Variants in RNPEPL1 observed in about 807,000 individuals in gnomAD.
The protein encoded by RNPEPL1 is aminopeptidase RNPEPL1.
RNPEPL1 carries 46 observed loss-of-function variants against 69.0 expected under a neutral mutation model. The ratio of observed to expected loss-of-function variants is 0.67; its 90% CI spans 0.53 to 0.85. RNPEPL1 has a LOEUF of 0.85. Ranked by LOEUF, RNPEPL1 falls within the 40% of genes least tolerant of loss-of-function variation. The pLI is 0.00. For synonymous variants in RNPEPL1, 525 were observed against 454.1 expected (o/e 1.16, Z -1.98); for missense variants, 869 against 992.5 (o/e 0.88, Z 1.67).
In RNPEPL1 at chr2:240,574,643, G is replaced by C; in HGVS notation, c.1288+15G>C. 4 of 1,596,944 alleles carry C rather than the reference G, an allele frequency of 2.5e-6. No individual in the cohort carries two copies. In the Admixed American group the frequency reaches 6.7e-5, roughly 27 times the overall value. On this transcript the variant is annotated intron_variant, in intron 6 of 10. Coordinates refer to ENST00000270357, the MANE Select transcript of RNPEPL1 (RefSeq NM_018226.6). ...GCTGGAGCCAGGTACCTGCTCCTCAGGACCCGCTCCCACAACTGGGGATGT... is the reference window on the plus strand; with the variant it reads ...GCTGGAGCCAGGTACCTGCTCCTCACGACCCGCTCCCACAACTGGGGATGT...
chr2:240,569,914 T>G lies in RNPEPL1; in HGVS notation c.528+800T>G, dbSNP rs574641143. 3.3e-5 allele frequency among the ~76,000 whole-genome samples: 5 copies of G among 152,268 alleles called. No individual in the cohort carries two copies. The South Asian group carries it at 1.0e-3, about 32-fold the overall frequency. On this transcript the variant is annotated intron_variant, in intron 1 of 10. Coordinates refer to ENST00000270357, the MANE Select transcript of RNPEPL1 (RefSeq NM_018226.6). ...GGTGGTGGAGAGGTGGTCGAGAGGC[T>G]TCAGGCCACAAAGAGCCAAGGTGAC...
chr2:240,576,550 G>A lies in RNPEPL1; in HGVS notation c.1526G>A (p.Arg509His), dbSNP rs1176313161. Residue 509 changes from arginine to histidine, a missense_variant, in exon 9 of 11, where the codon CGC becomes CAC. Arg to His is a conservative substitution (Grantham distance 29, BLOSUM62 0). Transcript: ENST00000270357. ...TCCCCTCTAGGGCTGGAATTCGAGC[G>A]CTGGCTCAATGCCACAGGCCCGCCG... ...VDCRAGLEFE[R>H]WLNATGPPLA... 4.3e-6 allele frequency: 7 copies of A among 1,611,936 alleles called. No homozygotes were observed. The highest frequency in any genetic ancestry group is 1.1e-5 in the South Asian group (1 of 90,984).
At chr2:240,571,001 C>A (rs900150459) in intron 1 of RNPEPL1, among the ~76,000 whole-genome samples, 1 of 152,110 alleles carries the variant, frequency 6.6e-6, no homozygotes, top group Non-Finnish European at 1.5e-5. Context: ...GGCAAGGCCA[C>A]AGGAGAGGAG....
At position 240,573,883 on chromosome 2, in the gene RNPEPL1, G is replaced by C; in HGVS notation, c.930G>C (p.Met310Ile). 1 of 1,577,932 alleles carries C rather than the reference G, an allele frequency of 6.3e-7. No homozygotes were observed. The highest frequency in any genetic ancestry group is 1.2e-5 in the South Asian group (1 of 86,376). ...SAAERLYGPY[M>I]WGRYDIVFLP... ...CTGAGCGGCTGTATGGGCCCTACAT[G>C]TGGGGCAGGTAGGCCCCGGGGACCT... is the stretch of plus-strand genomic sequence containing the variant. Residue 310 changes from methionine (M) to isoleucine (I), a missense_variant, in exon 4 of 11, where the codon ATG (methionine) becomes ATC (isoleucine). By Grantham distance (10) the Met-to-Ile change is conservative (BLOSUM62 1). Around this residue, in one of 2 missense-constraint regions of RNPEPL1, gnomAD observed 610 missense variants for 790.9 expected, o/e 0.77. Transcript: ENST00000270357.
Position 240,577,717 on chromosome 2 carries a change from C to T in RNPEPL1, c.2003C>T (p.Ala668Val). The change falls in exon 11 of 11, where the codon GCC becomes GTC. Residue 668 changes from alanine to valine, a missense_variant. Around this residue, in one of 2 missense-constraint regions of RNPEPL1, gnomAD observed 610 missense variants for 790.9 expected, o/e 0.77. Coordinates refer to ENST00000270357, the MANE Select transcript of RNPEPL1 (RefSeq NM_018226.6). ...CGGCTGCACCCCAACCTGCGCAGAG[C>T]CATCCAGCAGATCCTGTCCCAGGGC... is the stretch of plus-strand genomic sequence containing the variant. ...QGRLHPNLRR[A>V]IQQILSQGLG... 1 of 1,612,638 alleles carries T rather than the reference C, an allele frequency of 6.2e-7. No individual in the cohort carries two copies. The highest frequency in any genetic ancestry group is 1.3e-5 in the African/African-American group (1 of 75,046).
intron 1 of RNPEPL1, among the ~76,000 whole-genome samples, chr2:240,569,858 C>T (rs2093016259): frequency 6.6e-6 from 1 of 152,230 alleles, no homozygotes; most frequent in African/African-American, 2.4e-5. Flanking sequence ...GGAAGTCCAG[C>T]TGTCACTGGT....
intron 7 of RNPEPL1, 133 bp downstream of exon 7, chr2:240,575,275 C>T (rs965909918): frequency 1.5e-5 from 12 of 795,122 alleles, no homozygotes; most frequent in Non-Finnish European, 2.5e-5. Flanking sequence ...GGGACCTAGT[C>T]TGCCTTTCTT....
chr2:240,573,929 GGAGGAGTCA>G, intron 4 of RNPEPL1, 38 bp downstream of exon 4: 1 of 1,552,834 alleles, frequency 6.4e-7, no homozygotes, highest in South Asian at 1.2e-5. Flanking sequence ...CTGGCTGGAA[GGAGGAGTCA>G]GAGGGGGAGC....
In RNPEPL1 at chr2:240,578,204, C is replaced by T. The variant is rs1215188968; in HGVS notation, c.*312C>T. ...CCGGATGCCAGCACCTGCCAGGTGCCGCCCCGGGGCAAGGGCCCCAGCAGC... is the reference window on the plus strand; with the variant it reads ...CCGGATGCCAGCACCTGCCAGGTGCTGCCCCGGGGCAAGGGCCCCAGCAGC... On this transcript the variant is annotated 3_prime_UTR_variant, in exon 11 of 11. Transcript: ENST00000270357. 4 of 275,934 alleles carry T rather than the reference C, an allele frequency of 1.4e-5. No homozygotes were observed. The highest frequency in any genetic ancestry group is 1.0e-3 in the Middle Eastern group (1 of 988). 17.1% of individuals were successfully genotyped at this position (275,934 alleles called of 1,614,324 possible). A position where few individuals can be genotyped will look rare whatever the true frequency, so the allele number is the denominator to read the frequency against.
rs764504512 is a variant in RNPEPL1 at position 240,574,629 on chromosome 2, G to C, written c.1288+1G>C. 6.2e-7 allele frequency: 1 copy of C among 1,611,050 alleles called. No homozygotes were observed. The highest frequency in any genetic ancestry group is 8.5e-7 in the Non-Finnish European group (1 of 1,178,812). On this transcript the variant is annotated splice_donor_variant, in intron 6 of 10. Transcript: ENST00000270357. LOFTEE classifies it high-confidence loss of function. The stretch of plus-strand genomic sequence containing the variant: ...AAACTGCAGGTCAAGCTGGAGCCAG[G>C]TACCTGCTCCTCAGGACCCGCTCCC...
chr2:240,578,155 C>T lies in RNPEPL1; in HGVS notation c.*263C>T. Reference sequence around the variant, plus strand: ...CCCGCACACACCATGCCTCCTGTCTCAACACTGACAGCTGTGCCTAGCCCC... The same window carrying T: ...CCCGCACACACCATGCCTCCTGTCTTAACACTGACAGCTGTGCCTAGCCCC... On this transcript the variant is annotated 3_prime_UTR_variant, in exon 11 of 11. Transcript: ENST00000270357. The T allele has an allele frequency of 2.7e-6, 1 of 370,482 alleles. No individual in the cohort carries two copies. The highest frequency in any genetic ancestry group is 4.0e-5 in the East Asian group (1 of 25,264). 22.9% of individuals were successfully genotyped at this position (370,482 alleles called of 1,614,324 possible).
At chr2:240,569,777 C>T (rs2093015919) in intron 1 of RNPEPL1, among the ~76,000 whole-genome samples, 2 of 152,340 alleles carry the variant, frequency 1.3e-5, no homozygotes, top group South Asian at 4.1e-4. Context: ...CATACTGCAT[C>T]CCTAGGTGGT....
At chr2:240,575,210 C>T in intron 7 of RNPEPL1, 68 bp downstream of exon 7, 1 of 1,259,338 alleles carries the variant, frequency 7.9e-7, no homozygotes, top group Non-Finnish European at 1.2e-6. Context: ...GCTCACAGGG[C>T]TGCCTGCTCT....
rs887217703 is a variant in RNPEPL1, at chr2:240,568,937, C to A, written c.351C>A (p.Pro117=). The A allele has an allele frequency of 8.1e-6, 11 of 1,352,160 alleles. No individual in the cohort carries two copies. The African/African-American group carries it at 1.7e-4, about 21-fold the overall frequency. 83.8% of individuals were successfully genotyped at this position (1,352,160 alleles called of 1,614,324 possible). The change falls in exon 1 of 11, where the codon CCC becomes CCA. Residue 117 remains proline, a synonymous_variant. Coordinates refer to ENST00000270357, the MANE Select transcript of RNPEPL1 (RefSeq NM_018226.6). The surrounding 1 kb of genome is among the most constrained non-coding windows in gnomAD (Gnocchi z 6.2). ...CCGGGCCGGGGCCCGCGCCGCCGCCCCCGCTGCCCGCCTTCCCCGAGGCGC... is the reference window on the plus strand; with the variant it reads ...CCGGGCCGGGGCCCGCGCCGCCGCCACCGCTGCCCGCCTTCCCCGAGGCGC... ...SAPGPGPAPP[P]PLPAFPEAPG... is the part of the protein sequence containing the mutation.
At position 240,574,528 on chromosome 2, in the gene RNPEPL1, C is replaced by G. The variant is rs758950422; in HGVS notation, c.1188C>G (p.Thr396=). The G allele has an allele frequency of 6.2e-7, 1 of 1,611,748 alleles. No individual in the cohort carries two copies. The highest frequency in any genetic ancestry group is 8.5e-7 in the Non-Finnish European group (1 of 1,179,570). Reference sequence around the variant, plus strand: ...GACCCCATCCAGGTGCTGCCTTCACCTGCCTGGAGACTGCCTTCCGCCTGG... The same window carrying G: ...GACCCCATCCAGGTGCTGCCTTCACGTGCCTGGAGACTGCCTTCCGCCTGG... ...ITTETYGAAF[T]CLETAFRLDA... Residue 396 remains threonine, a synonymous_variant, in exon 6 of 11, where the codon ACC becomes ACG. Coordinates refer to ENST00000270357, the MANE Select transcript of RNPEPL1 (RefSeq NM_018226.6).
rs1055446487 is a variant in RNPEPL1, at chr2:240,577,643, C to T, written c.1929C>T (p.Thr643=). The T allele has an allele frequency of 5.5e-5, 88 of 1,610,590 alleles. No homozygotes were observed. Among genetic ancestry groups the T allele is most frequent in the Non-Finnish European group, 6.9e-5 (81 of 1,178,124 alleles). Residue 643 remains threonine (T), a synonymous_variant, in exon 11 of 11, where the codon ACC becomes ACT. Transcript: ENST00000270357. ...TCCCGCTGTACGAGGACCTCTGCAC[C>T]GGTGCCCTCAAGTCCTTCGCGCTGG... ...YTIPLYEDLC[T]GALKSFALEV...
rs570452562 is a variant in RNPEPL1, at chr2:240,569,714, T to A, written c.528+600T>A. On this transcript the variant is annotated intron_variant, in intron 1 of 10. Coordinates refer to ENST00000270357, the MANE Select transcript of RNPEPL1 (RefSeq NM_018226.6). The stretch of plus-strand genomic sequence containing the variant: ...GCAGCACCCCCTCCACCTCCACCAG[T>A]GGGGATGTGTACAGGATGGAGCAGG... Among the ~76,000 whole-genome samples, 5 of 152,304 alleles carry A rather than the reference T, an allele frequency of 3.3e-5. No individual in the cohort carries two copies. The East Asian group carries it at 9.6e-4, about 29-fold the overall frequency.
intron 7 of RNPEPL1, 102 bp from the exon 8 acceptor site, chr2:240,575,400 C>A: frequency 2.0e-6 from 2 of 1,019,862 alleles, no homozygotes; most frequent in Non-Finnish European, 3.0e-6. Context: ...CTGTGCCCAG[C>A]ACGTACCTTG....
chr2:240,569,812 G>A (rs888531606), intron 1 of RNPEPL1, among the ~76,000 whole-genome samples: 12 of 152,202 alleles, frequency 7.9e-5, no homozygotes, highest in Non-Finnish European at 1.8e-4. Flanking sequence ...TGTGACACCC[G>A]ACATATGCAA....
Sources: gnomAD v4.1 joint callset for allele counts (sites outside exome capture counted in the v4.1 genomes callset) on GRCh38, gnomAD v4.1.1 for gene constraint, gnomAD v4.1.1 regional missense constraint, Gnocchi (gnomAD v3.1) non-coding constraint, MANE v1.5 for transcripts, NCBI Gene and HGNC (gene_info 2026-07-23, HGNC 2026-07-21) for gene names.